GPR160: variants seen among roughly 807,000 people sequenced by gnomAD.
GPR160 encodes the protein probable G protein-coupled receptor 160.
Under a neutral mutation model 2.6 loss-of-function variants are expected in GPR160, and 2 were observed. The observed-to-expected ratio is 0.77, with a 90% CI of 0.32 to 2.44. GPR160 has a LOEUF of 2.44. Ranked by LOEUF, GPR160 falls within the 30% of genes most tolerant of loss-of-function variation. The pLI is 0.11. For missense variants in GPR160, 351 were observed against 383.6 expected, an observed-to-expected ratio of 0.91 and a Z score of 0.71; for synonymous variants, 130 against 132.2, an observed-to-expected ratio of 0.98 and a Z score of 0.12.
At chr3:170,067,556 C>A (rs947723591) in intron 2 of GPR160, among the ~76,000 whole-genome samples, 13 of 152,078 alleles carry the variant, frequency 8.5e-5, no homozygotes, top group African/African-American at 3.1e-4. Flanking sequence ...AAAAGCCTGA[C>A]CCCCATTCCC....
Position 170,084,222 on chromosome 3 carries a change from C to T in GPR160, c.250C>T (p.Leu84Phe). 6.2e-7 allele frequency: 1 copy of T among 1,602,992 alleles called. No homozygotes were observed. The highest frequency in any genetic ancestry group is 8.5e-7 in the Non-Finnish European group (1 of 1,173,344). ...TATATTGTATTTCAGGGATTTTGTA[C>T]TTTTAAGCATTAGGTTCACTAAATA... ...SIILYFRDFVLLSIRFTKYHI... is the reference protein window; with the variant it reads ...SIILYFRDFVFLSIRFTKYHI... The change falls in exon 4 of 4, where the codon CTT (leucine) becomes TTT (phenylalanine). Residue 84 changes from leucine to phenylalanine, a missense_variant. By Grantham distance (22) the Leu-to-Phe change is conservative. Transcript: ENST00000355897.
At position 170,078,440 on chromosome 3, in the gene GPR160, G is replaced by A. The variant is rs1334980166; in HGVS notation, c.-192-1334G>A. 2.0e-5 allele frequency among the ~76,000 whole-genome samples: 3 copies of A among 152,186 alleles called. No homozygotes were observed. In the East Asian group the frequency reaches 5.8e-4, roughly 29 times the overall value. On this transcript the variant is annotated intron_variant, in intron 2 of 3. Coordinates refer to ENST00000355897, the MANE Select transcript of GPR160 (RefSeq NM_014373.3). The stretch of plus-strand genomic sequence containing the variant: ...CTACAGTTATGGGACCCTGTCTTAA[G>A]CAAGCGGCATTAGAAGGGGAGCTCT...
At chr3:170,052,112 GAC>G (rs1716981715) in intron 2 of GPR160, among the ~76,000 whole-genome samples, 1 of 152,218 alleles carries the variant, frequency 6.6e-6, no homozygotes, top group African/African-American at 2.4e-5. Context: ...TTTTAGGAGA[GAC>G]GTGGTTTCAC....
chr3:170,045,507 C>T (rs1415777681), intron 2 of GPR160, among the ~76,000 whole-genome samples: 1 of 145,610 alleles, frequency 6.9e-6, no homozygotes, highest in Non-Finnish European at 1.5e-5. Flanking sequence ...AGGAGACTCG[C>T]TTGAACCAGG....
chr3:170,060,781 T>C (rs1276775732), intron 2 of GPR160, among the ~76,000 whole-genome samples: 11 of 151,570 alleles, frequency 7.3e-5, no homozygotes, highest in Admixed American at 6.7e-4. Flanking sequence ...AAAATAATAC[T>C]AATAATAAAA....
intron 2 of GPR160, among the ~76,000 whole-genome samples, chr3:170,044,789 A>G (rs3755604): frequency 0.35 from 52,494 of 151,860 alleles, 9,393 homozygotes; most frequent in East Asian, 0.59. Context: ...CCTCTCCCCC[A>G]TCCTTCTCTG....
chr3:170,043,136 C>T (rs1024823537), intron 2 of GPR160, among the ~76,000 whole-genome samples: 1 of 152,018 alleles, frequency 6.6e-6, no homozygotes, highest in African/African-American at 2.4e-5. Context: ...CCGCCTCAGC[C>T]TCCCAAAGTG....
At chr3:170,041,876 A>C (rs959202662) in intron 2 of GPR160, among the ~76,000 whole-genome samples, 1 of 152,248 alleles carries the variant, frequency 6.6e-6, no homozygotes, top group African/African-American at 2.4e-5. Context: ...TTTAGTGACC[A>C]AACTAATGTT....
intron 2 of GPR160, among the ~76,000 whole-genome samples, chr3:170,072,681 T>C (rs1342622975): frequency 6.6e-6 from 1 of 152,036 alleles, no homozygotes; most frequent in African/African-American, 2.4e-5. Context: ...CCAGACTCTT[T>C]TTAACCAGCC....
chr3:170,044,358 AAG>A (rs1167725543), intron 2 of GPR160, among the ~76,000 whole-genome samples: 1 of 151,904 alleles, frequency 6.6e-6, no homozygotes, highest in Non-Finnish European at 1.5e-5. Flanking sequence ...AAAAATGGGA[AAG>A]AGCATATTCC....
intron 2 of GPR160, chr3:170,062,890 G>A: frequency 4.9e-6 from 2 of 409,798 alleles, no homozygotes; most frequent in South Asian, 2.6e-5. Context: ...AACACCAGAG[G>A]GAGCTCTCCC....
intron 2 of GPR160, among the ~76,000 whole-genome samples, chr3:170,066,497 T>G (rs1239903111): frequency 1.3e-5 from 2 of 152,168 alleles, no homozygotes; most frequent in African/African-American, 4.8e-5. Flanking sequence ...TGTGTCTTGC[T>G]TTTCCCCTTA....
intron 2 of GPR160, among the ~76,000 whole-genome samples, chr3:170,061,591 A>C (rs1711960011): frequency 6.6e-6 from 1 of 152,206 alleles, no homozygotes; most frequent in African/African-American, 2.4e-5. Context: ...CTATCCGATT[A>C]TAAGATAAAT....
intron 2 of GPR160, among the ~76,000 whole-genome samples, chr3:170,064,231 G>C (rs1414636587): frequency 2.0e-5 from 3 of 152,192 alleles, no homozygotes; most frequent in African/African-American, 7.2e-5. Context: ...CGTCCTGCTG[G>C]GTTGAAAGTT....
In GPR160 at chr3:170,038,375, G is replaced by C. The variant is rs1035000089; in HGVS notation, c.-322+160G>C. Reference sequence around the variant, plus strand: ...TCCTTTGCAGGAACTCAGGGGCTGGGGGTTCTCTGCTACTTAAGAGATCCA... The same window carrying C: ...TCCTTTGCAGGAACTCAGGGGCTGGCGGTTCTCTGCTACTTAAGAGATCCA... On this transcript the variant is annotated intron_variant, in intron 1 of 3. Transcript: ENST00000355897. The surrounding 1 kb of genome is among the most constrained non-coding windows in gnomAD (Gnocchi z 5.3). The C allele has an allele frequency of 6.6e-6, 1 of 152,118 alleles. No homozygotes were observed. The highest frequency in any genetic ancestry group is 1.5e-5 in the Non-Finnish European group (1 of 68,046). 9.4% of individuals were successfully genotyped at this position (152,118 alleles called of 1,614,324 possible). A position where few individuals can be genotyped will look rare whatever the true frequency, so the allele number is the denominator to read the frequency against.
chr3:170,054,353 T>C (rs1395766349), intron 2 of GPR160, among the ~76,000 whole-genome samples: 1 of 152,170 alleles, frequency 6.6e-6, no homozygotes, highest in East Asian at 1.9e-4. Context: ...AAACTGTCTC[T>C]TCAAAATTGC....
At chr3:170,056,543 G>C (rs1365300889) in intron 2 of GPR160, among the ~76,000 whole-genome samples, 2 of 152,224 alleles carry the variant, frequency 1.3e-5, no homozygotes, top group African/African-American at 4.8e-5. Context: ...CATTATCAAG[G>C]ATATGGTTCC....
rs1322252477 is a variant in GPR160, at chr3:170,085,211, T to C, written c.*222T>C. On this transcript the variant is annotated 3_prime_UTR_variant, in exon 4 of 4. Transcript: ENST00000355897. ...AGTTTTTATAGTTATTCAGGGACAC[T>C]ATATTACAAATATTACTTTGTTATT... The C allele has an allele frequency of 1.8e-5, 6 of 325,466 alleles. No homozygotes were observed. The allele number at this position is 325,466 out of a possible 1,614,324, so 20.2% of individuals were successfully genotyped here.
At chr3:170,040,181 A>G (rs1716387842) in intron 2 of GPR160, among the ~76,000 whole-genome samples, 1 of 152,230 alleles carries the variant, frequency 6.6e-6, no homozygotes, top group Non-Finnish European at 1.5e-5. Context: ...CCCAGAACTT[A>G]AAGTAAAACA....
Sources: allele counts gnomAD v4.1 joint callset (sites outside exome capture counted in the v4.1 genomes callset), GRCh38; gene constraint gnomAD v4.1.1; non-coding constraint Gnocchi (gnomAD v3.1); transcripts MANE v1.5; gene names NCBI Gene and HGNC (gene_info 2026-07-23, HGNC 2026-07-21).